CHL1: variants seen among roughly 807,000 people sequenced by gnomAD.
CHL1 encodes the protein neural cell adhesion molecule L1-like protein.
Under a neutral mutation model 141.9 loss-of-function variants are expected in CHL1, and 96 were observed. The ratio of observed to expected loss-of-function variants is 0.68; its 90% CI spans 0.57 to 0.80. The LOEUF (loss-of-function observed/expected upper bound fraction) is 0.80. CHL1 is among the 30% of genes least tolerant of loss of function. The pLI, the probability that CHL1 is intolerant of heterozygous loss-of-function variation, is 0.00. For missense variants in CHL1, 1,820 were observed against 1,457.2 expected, an observed-to-expected ratio of 1.25 and a Z score of -4.05; for synonymous variants, 613 against 502.2, an observed-to-expected ratio of 1.22 and a Z score of -2.95.
chr3:371,957 G>A (rs949083062), intron 15 of CHL1, among the ~76,000 whole-genome samples: 5 of 152,120 alleles, frequency 3.3e-5, no homozygotes, highest in Non-Finnish European at 7.4e-5. Flanking sequence ...GGCTTGTAGA[G>A]TTTCTTCTGA....
intron 2 of CHL1, among the ~76,000 whole-genome samples, chr3:271,476 G>T (rs564311307): frequency 1.3e-5 from 2 of 152,298 alleles, no homozygotes; most frequent in African/African-American, 4.8e-5. Flanking sequence ...TAAATGAAAA[G>T]ACAGTGTCTA....
At chr3:246,036 C>G (rs955153307) in intron 2 of CHL1, among the ~76,000 whole-genome samples, 2 of 152,078 alleles carry the variant, frequency 1.3e-5, no homozygotes, top group African/African-American at 4.8e-5. Context: ...AAACTCTTCC[C>G]AAAACCTGAT....
chr3:381,902 A>T (rs1707086458), intron 16 of CHL1, among the ~76,000 whole-genome samples: 1 of 152,110 alleles, frequency 6.6e-6, no homozygotes, highest in South Asian at 2.1e-4. Context: ...AGAACCAAAC[A>T]TCCCTGTGAT....
chr3:388,317 G>C (rs977295632), intron 19 of CHL1, among the ~76,000 whole-genome samples: 13 of 151,720 alleles, frequency 8.6e-5, no homozygotes. Flanking sequence ...GGAGGCCGAG[G>C]CAGGCGGATC....
intron 2 of CHL1, among the ~76,000 whole-genome samples, chr3:265,305 T>C (rs1212885043): frequency 6.6e-6 from 1 of 152,242 alleles, no homozygotes; most frequent in East Asian, 1.9e-4. Context: ...GGTTTTTATA[T>C]GATTAAATCA....
rs1319335099 is a variant in CHL1, at chr3:406,167, G to T, written c.*456G>T. 1 of 153,524 alleles carries T rather than the reference G, an allele frequency of 6.5e-6. No homozygotes were observed. The highest frequency in any genetic ancestry group is 1.4e-5 in the Non-Finnish European group (1 of 69,144). 9.5% of individuals were successfully genotyped at this position (153,524 alleles called of 1,614,324 possible). On this transcript the variant is annotated 3_prime_UTR_variant, in exon 28 of 28. Coordinates refer to ENST00000256509, the MANE Select transcript of CHL1 (RefSeq NM_006614.4). Reference sequence around the variant, plus strand: ...CATAAGCAAACTGGTTATTTAAAATGTAAAAAGGAATATGAAAGTCTTATT... The same window carrying T: ...CATAAGCAAACTGGTTATTTAAAATTTAAAAAGGAATATGAAAGTCTTATT...
chr3:212,265 T>C (rs1417520473), intron 1 of CHL1, among the ~76,000 whole-genome samples: 1 of 152,134 alleles, frequency 6.6e-6, no homozygotes, highest in Non-Finnish European at 1.5e-5. Flanking sequence ...CATAGTCTAT[T>C]TTTATATAGC....
At chr3:394,297 T>C (rs1440381485) in intron 23 of CHL1, among the ~76,000 whole-genome samples, 1 of 152,204 alleles carries the variant, frequency 6.6e-6, no homozygotes, top group Non-Finnish European at 1.5e-5. Flanking sequence ...AAGGAAATTA[T>C]AATACTTAAG....
At chr3:373,941 A>G (rs1705975953) in intron 15 of CHL1, 1 of 152,362 alleles carries the variant, frequency 6.6e-6, no homozygotes, top group African/African-American at 2.4e-5. Flanking sequence ...TTCTTCTAAG[A>G]GAAACCTGGA....
At chr3:343,569 C>T (rs2125159580) in intron 8 of CHL1, among the ~76,000 whole-genome samples, 1 of 152,282 alleles carries the variant, frequency 6.6e-6, no homozygotes, top group Non-Finnish European at 1.5e-5. Context: ...TCTACCAGAA[C>T]TTGTGTTCTA....
At chr3:211,469 C>A (rs963232254) in intron 1 of CHL1, among the ~76,000 whole-genome samples, 1 of 152,180 alleles carries the variant, frequency 6.6e-6, no homozygotes, top group Non-Finnish European at 1.5e-5. Context: ...TGAAGAACTG[C>A]TGCCATGTCT....
intron 12 of CHL1, 39 bp downstream of exon 12, chr3:360,463 C>T (rs760895973): frequency 3.1e-6 from 5 of 1,605,710 alleles, no homozygotes; most frequent in Non-Finnish European, 3.4e-6. Context: ...TGCTATTTTC[C>T]TAAGGAAAGT....
chr3:342,858 T>C, intron 7 of CHL1, 126 bp from the exon 8 acceptor site: 1 of 631,018 alleles, frequency 1.6e-6, no homozygotes, highest in East Asian at 2.9e-5. Context: ...AAGGCAATGT[T>C]CTAGTGAAGC....
intron 15 of CHL1, among the ~76,000 whole-genome samples, chr3:370,047 G>T (rs1373868024): frequency 1.3e-5 from 2 of 152,156 alleles, no homozygotes; most frequent in East Asian, 3.9e-4. Flanking sequence ...AGTGATGTTG[G>T]CCTGAATGTT....
chr3:376,205 G>A (rs1312767549), intron 15 of CHL1, among the ~76,000 whole-genome samples: 1 of 152,182 alleles, frequency 6.6e-6, no homozygotes, highest in Non-Finnish European at 1.5e-5. Context: ...CTGTTTTCTT[G>A]GGCATGGGGA....
chr3:342,170 G>T, intron 7 of CHL1, 88 bp downstream of exon 7: 4 of 1,265,570 alleles, frequency 3.2e-6, no homozygotes, highest in Non-Finnish European at 3.3e-6. Flanking sequence ...TTTAAAGCTG[G>T]GTTGATATTT....
intron 2 of CHL1, among the ~76,000 whole-genome samples, chr3:255,881 T>C (rs780249118): frequency 6.6e-6 from 1 of 152,228 alleles, no homozygotes; most frequent in East Asian, 1.9e-4. Flanking sequence ...CCCATTGTCC[T>C]GTAAGACAAC....
intron 23 of CHL1, among the ~76,000 whole-genome samples, chr3:392,335 G>A (rs1455159284): frequency 2.0e-5 from 3 of 152,204 alleles, no homozygotes; most frequent in Admixed American, 2.0e-4. Flanking sequence ...TCCTAAATAT[G>A]CTTGTGTTTA....
intron 2 of CHL1, among the ~76,000 whole-genome samples, chr3:258,346 A>G (rs1048922266): frequency 5.3e-5 from 8 of 152,236 alleles, no homozygotes; most frequent in African/African-American, 1.9e-4. Flanking sequence ...CTCTTGGGAT[A>G]CTGAAGGGTA....
Sources: gnomAD v4.1 joint callset for allele counts (sites outside exome capture counted in the v4.1 genomes callset) on GRCh38, gnomAD v4.1.1 for gene constraint, MANE v1.5 for transcripts, NCBI Gene and HGNC (gene_info 2026-07-23, HGNC 2026-07-21) for gene names.